ERC2: variants seen among roughly 807,000 people sequenced by gnomAD.
ERC2 encodes the protein ELKS/RAB6-interacting/CAST family member 2.
A neutral mutation model predicts 114.8 loss-of-function variants in ERC2; 42 were observed. The observed-to-expected ratio is 0.37, with a 90% CI of 0.29 to 0.47. The LOEUF (loss-of-function observed/expected upper bound fraction) is 0.47. Among genes scored for constraint, ERC2 ranks in the 20% least tolerant of loss-of-function variants. ERC2 has a pLI of 0.99. For missense variants in ERC2, 939 were observed against 1,150.7 expected, an observed-to-expected ratio of 0.82 and a Z score of 2.66; for synonymous variants, 454 against 425.5, an observed-to-expected ratio of 1.07 and a Z score of -0.82.
chr3:55,717,769 C>A (rs2064211405), intron 15 of ERC2, among the ~76,000 whole-genome samples: 1 of 152,106 alleles, frequency 6.6e-6, no homozygotes, highest in African/African-American at 2.4e-5. Context: ...AATATAATAA[C>A]AACCAAACAA....
At chr3:55,994,381 G>T (rs1254051026) in intron 10 of ERC2, among the ~76,000 whole-genome samples, 1 of 151,920 alleles carries the variant, frequency 6.6e-6, no homozygotes, top group Non-Finnish European at 1.5e-5. Flanking sequence ...ATTATAGTCC[G>T]TTTTTAATAA....
At chr3:56,146,008 T>G (rs1049660878) in intron 5 of ERC2, among the ~76,000 whole-genome samples, 1 of 152,152 alleles carries the variant, frequency 6.6e-6, no homozygotes, top group Non-Finnish European at 1.5e-5. Context: ...AGAATTGGGC[T>G]GGGTGTGGTG....
At chr3:55,758,484 C>T (rs577157381) in intron 14 of ERC2, among the ~76,000 whole-genome samples, 62 of 152,200 alleles carry the variant, frequency 4.1e-4, no homozygotes, top group Non-Finnish European at 7.2e-4. Flanking sequence ...AGGGGCAGAC[C>T]AATGAGGAGG....
intron 14 of ERC2, among the ~76,000 whole-genome samples, chr3:55,853,935 C>T (rs1403777220): frequency 6.6e-6 from 1 of 152,088 alleles, no homozygotes; most frequent in Non-Finnish European, 1.5e-5. Flanking sequence ...ATGCTTTGAC[C>T]ACAAGGCCTA....
intron 17 of ERC2, among the ~76,000 whole-genome samples, chr3:55,519,490 GATT>G (rs2107189015): frequency 6.6e-6 from 1 of 152,306 alleles, no homozygotes; most frequent in African/African-American, 2.4e-5. Context: ...ATTCAGAAAT[GATT>G]TACTACTTTC....
intron 2 of ERC2, among the ~76,000 whole-genome samples, chr3:56,350,530 C>A (rs181253242): frequency 3.3e-5 from 5 of 151,964 alleles, no homozygotes; most frequent in Admixed American, 6.5e-5. Flanking sequence ...GAAGACAAAT[C>A]AAAGGCACTT....
intron 14 of ERC2, among the ~76,000 whole-genome samples, chr3:55,763,406 A>G (rs1288850946): frequency 2.0e-5 from 3 of 152,328 alleles, no homozygotes; most frequent in East Asian, 3.9e-4. Context: ...CTTGAGTGAG[A>G]CTATGAAGAA....
intron 4 of ERC2, among the ~76,000 whole-genome samples, chr3:56,163,681 C>G (rs2082172901): frequency 6.6e-6 from 1 of 151,914 alleles, no homozygotes; most frequent in Admixed American, 6.6e-5. Flanking sequence ...AATAGTGACC[C>G]CTGCTCCTTT....
chr3:55,543,862 G>A (rs575597399), intron 17 of ERC2, among the ~76,000 whole-genome samples: 7 of 152,196 alleles, frequency 4.6e-5, no homozygotes, highest in South Asian at 2.1e-4. Context: ...ACTCTCTCTC[G>A]AAGCCTTACC....
chr3:56,195,500 C>CGTGTGTGTGTGT (rs112067114), intron 3 of ERC2, among the ~76,000 whole-genome samples: 33,391 of 149,838 alleles, frequency 0.22, 4,314 homozygotes, highest in Non-Finnish European at 0.29. Flanking sequence ...TGCGTGTGTG[C>CGTGTGTGTGTGT]GTGTGTGTGT....
chr3:55,960,615 C>T (rs747956798), intron 12 of ERC2, among the ~76,000 whole-genome samples: 1 of 152,156 alleles, frequency 6.6e-6, no homozygotes, highest in East Asian at 1.9e-4. Context: ...GACTATTCCA[C>T]CACCAGACAA....
chr3:56,134,711 G>C (rs1240925649), intron 6 of ERC2, among the ~76,000 whole-genome samples: 1 of 152,060 alleles, frequency 6.6e-6, no homozygotes, highest in Admixed American at 6.6e-5. Flanking sequence ...CTTTGTTAAT[G>C]AACGGGTTCT....
At chr3:56,291,341 T>C (rs1576298048) in intron 3 of ERC2, among the ~76,000 whole-genome samples, 1 of 152,200 alleles carries the variant, frequency 6.6e-6, no homozygotes, top group Non-Finnish European at 1.5e-5. Context: ...AGCACATCAG[T>C]TGGAGTTCCT....
rs149287891 is a variant in ERC2, at chr3:56,088,784, T to C, written c.1474-7800A>G. Among the ~76,000 whole-genome samples the C allele has an allele frequency of 4.2e-3, 638 of 152,312 alleles. 4 individuals are homozygous for C. Among genetic ancestry groups the C allele is most frequent in the Non-Finnish European group, 7.2e-3 (490 of 68,028 alleles). On this transcript the variant is annotated intron_variant, in intron 6 of 17. Transcript: ENST00000288221. The stretch of plus-strand genomic sequence containing the variant: ...GGAGATAATAACAGTACGTCCTTCA[T>C]TGAGTTATTTTGAGTATTAAATTAA...
chr3:55,870,061 A>C (rs941766763), intron 14 of ERC2, among the ~76,000 whole-genome samples: 1 of 151,264 alleles, frequency 6.6e-6, no homozygotes, highest in African/African-American at 2.4e-5. Context: ...AAGTTGTTAT[A>C]GTATAAAAAA....
chr3:56,214,724 T>C (rs4277656), intron 3 of ERC2, among the ~76,000 whole-genome samples: 75,409 of 151,562 alleles, frequency 0.5, 19,046 homozygotes, highest in East Asian at 0.71. Flanking sequence ...AAGGAAAAAA[T>C]GTTAAGGGCA....
chr3:56,405,589 T>C (rs910741223), intron 2 of ERC2, among the ~76,000 whole-genome samples: 8 of 152,032 alleles, frequency 5.3e-5, no homozygotes, highest in South Asian at 2.1e-4. Flanking sequence ...ATAAGACACA[T>C]AGATACATAG....
chr3:55,898,625 G>A (rs952869294), intron 13 of ERC2, among the ~76,000 whole-genome samples: 3 of 152,126 alleles, frequency 2.0e-5, no homozygotes, highest in Admixed American at 6.5e-5. Context: ...GCAACCACCC[G>A]AGATTGTCAT....
chr3:55,723,349 T>C (rs1389012917), intron 15 of ERC2, among the ~76,000 whole-genome samples: 1 of 152,204 alleles, frequency 6.6e-6, no homozygotes, highest in Non-Finnish European at 1.5e-5. Context: ...GAAGTTTCTA[T>C]TATGAGCAAA....
Sources: gnomAD v4.1 joint callset for allele counts (sites outside exome capture counted in the v4.1 genomes callset) on GRCh38, gnomAD v4.1.1 for gene constraint, MANE v1.5 for transcripts, NCBI Gene and HGNC (gene_info 2026-07-23, HGNC 2026-07-21) for gene names.